The following OTOG variants were observed in gnomAD, a reference collection of about 807,000 sequenced individuals.
OTOG encodes otogelin.
Under a neutral mutation model 313.8 loss-of-function variants are expected in OTOG, and 296 were observed. That is an observed-to-expected ratio of 0.94 (90% CI 0.86 to 1.04). The LOEUF is 1.04. OTOG is among the 50% of genes least tolerant of loss of function. OTOG has a pLI of 0.00. For missense variants in OTOG, 3,948 were observed against 3,840.1 expected (o/e 1.03, Z -0.74); for synonymous variants, 1,533 against 1,554.9 (o/e 0.99, Z 0.33).
At chr11:17,634,003 G>T in intron 43 of OTOG, 66 bp from the exon 44 acceptor site, 2 of 1,501,698 alleles carry the variant, frequency 1.3e-6, no homozygotes, top group Admixed American at 2.0e-5. Flanking sequence ...ACCAGGGAGA[G>T]TCTAGCCTGG....
At chr11:17,556,652 T>C (rs908262376) in intron 7 of OTOG, among the ~76,000 whole-genome samples, 1 of 152,168 alleles carries the variant, frequency 6.6e-6, no homozygotes, top group African/African-American at 2.4e-5. Flanking sequence ...TTGTTTCCCT[T>C]TCCTGAAATT....
At position 17,596,904 on chromosome 11, in the gene OTOG, C is replaced by G. The variant is rs900255801; in HGVS notation, c.3579C>G (p.Ser1193Arg). Residue 1193 changes from serine to arginine, a missense_variant, in exon 30 of 56, where the codon AGC (serine) becomes AGG (arginine). Coordinates refer to ENST00000399397, the MANE Select transcript of OTOG (RefSeq NM_001292063.2). ...GCCTGACAGACACATGTGGCTGCAG[C>G]CAGGGTGGTGACTGTGAGTGCTTCT... ...SNCLTDTCGC[S>R]QGGDCECFCA... 1.3e-6 allele frequency: 2 copies of G among 1,550,906 alleles called. No individual in the cohort carries two copies. The highest frequency in any genetic ancestry group is 1.4e-5 in the African/African-American group (1 of 73,058).
rs1308115776 is a variant in OTOG, at chr11:17,593,212, T to C, written c.3026T>C (p.Phe1009Ser). 6.5e-7 allele frequency: 1 copy of C among 1,550,170 alleles called. No homozygotes were observed. The highest frequency in any genetic ancestry group is 8.7e-7 in the Non-Finnish European group (1 of 1,146,696). Residue 1009 changes from phenylalanine to serine, a missense_variant, in exon 26 of 56, where the codon TTC (phenylalanine) becomes TCC (serine). By Grantham distance (155) the Phe-to-Ser change is radical (BLOSUM62 -2). Coordinates refer to ENST00000399397, the MANE Select transcript of OTOG (RefSeq NM_001292063.2). The part of the protein sequence containing the change: ...HLVKSTSDVS[F>S]SVIVENVNCY... ...CCTCAGAGCACATCAGATGTCAGCT[T>C]CTCTGTGATTGTAGAGAATGTGAAC...
intron 23 of OTOG, among the ~76,000 whole-genome samples, chr11:17,585,354 CCT>C (rs1372682869): frequency 1.3e-5 from 2 of 152,142 alleles, no homozygotes; most frequent in Non-Finnish European, 2.9e-5. Context: ...AGCAATATCT[CCT>C]CTTTGTTCCA....
At chr11:17,547,853 C>T (rs1851843145) in intron 1 of OTOG, 74 bp from the exon 2 acceptor site, 1 of 442,238 alleles carries the variant, frequency 2.3e-6, no homozygotes, top group Non-Finnish European at 4.0e-6. Context: ...GGCTTTCTAG[C>T]AGTGGGGGCC....
chr11:17,548,418 CTTTTTTTTTTTTTTTTTT>C lies in OTOG; in HGVS notation c.216+227_216+244del, dbSNP rs56402246. ...ATCTCTTGGGGGTCTATAGTCCACT[CTTTTTTTTTTTTTTTTTT>C]TTTTTTTTTTTTTTTTTTTTAGGAG... On this transcript the variant is annotated intron_variant, in intron 3 of 55. Coordinates refer to ENST00000399397, the MANE Select transcript of OTOG (RefSeq NM_001292063.2). Among the ~76,000 whole-genome samples, 215 of 87,620 alleles carry C rather than the reference CTTTTTTTTTTTTTTTTTT, an allele frequency of 2.5e-3. 7 individuals carry two copies. Among genetic ancestry groups the C allele is most frequent in the Middle Eastern group, 6.8e-3 (1 of 146 alleles). The allele number at this position is 87,620 out of a possible 152,430, so 57.5% of individuals were successfully genotyped here.
At chr11:17,612,797 G>T in intron 38 of OTOG, 32 bp downstream of exon 38, 2 of 1,544,816 alleles carry the variant, frequency 1.3e-6, no homozygotes, top group South Asian at 1.2e-5. Flanking sequence ...CCCTGCTGGG[G>T]ACTAGGAATG....
intron 31 of OTOG, among the ~76,000 whole-genome samples, chr11:17,600,404 G>C (rs1237188788): frequency 6.6e-6 from 1 of 152,126 alleles, no homozygotes; most frequent in African/African-American, 2.4e-5. Context: ...AGTGCTGTTC[G>C]CCTTTGACTT....
chr11:17,597,128 T>A, intron 30 of OTOG, 121 bp downstream of exon 30: 1 of 1,264,466 alleles, frequency 7.9e-7, no homozygotes, highest in Non-Finnish European at 1.1e-6. Context: ...AAGCACCAAC[T>A]GCTTTGGGCG....
chr11:17,569,434 GCAAAAATGTGGACTC>G, intron 16 of OTOG, 146 bp downstream of exon 16: 1 of 1,154,908 alleles, frequency 8.7e-7, no homozygotes, highest in Non-Finnish European at 1.2e-6. Context: ...CACTTTGGTT[GCAAAAATGTGGACTC>G]CAAAAATGTG....
At position 17,635,057 on chromosome 11, in the gene OTOG, C is replaced by T; in HGVS notation, c.7586-23C>T. The stretch of plus-strand genomic sequence containing the variant: ...GGCCAGGCAGGTTCCTCTCCCAGCA[C>T]CTAAATTCAGCCTTTTCCCCAGAGT... On this transcript the variant is annotated intron_variant, in intron 45 of 55. Coordinates refer to ENST00000399397, the MANE Select transcript of OTOG (RefSeq NM_001292063.2). The T allele has an allele frequency of 1.4e-5, 22 of 1,542,824 alleles. 1 individual carries two copies. Among genetic ancestry groups the T allele is most frequent in the African/African-American group, 4.1e-5 (3 of 73,006 alleles).
At chr11:17,603,349 C>T (rs1056030379) in intron 32 of OTOG, among the ~76,000 whole-genome samples, 1 of 152,208 alleles carries the variant, frequency 6.6e-6, no homozygotes, top group African/African-American at 2.4e-5. Context: ...GGTGTCTCAC[C>T]ACCTTCCAGA....
At chr11:17,584,372 C>A (rs75210696) in intron 23 of OTOG, among the ~76,000 whole-genome samples, 5,531 of 152,270 alleles carry the variant, frequency 0.036, 116 homozygotes, top group South Asian at 0.075. Context: ...TCATTGCCTT[C>A]GTCTTGTTTT....
In OTOG at chr11:17,585,295, A is replaced by G. The variant is rs11826259; in HGVS notation, c.2760-1179A>G. On this transcript the variant is annotated intron_variant, in intron 23 of 55. Coordinates refer to ENST00000399397, the MANE Select transcript of OTOG (RefSeq NM_001292063.2). The stretch of plus-strand genomic sequence containing the variant: ...AAGTTGTCAAATTTATTCACTTAAC[A>G]TCGTACATCATATTTCCTTATTTTC... Among the ~76,000 whole-genome samples the G allele has an allele frequency of 3.7e-3, 557 of 152,342 alleles. 6 individuals are homozygous for G. Among genetic ancestry groups the G allele is most frequent in the African/African-American group, 0.013 (535 of 41,572 alleles).
In OTOG at chr11:17,610,733, C is replaced by CA; in HGVS notation, c.5435dup (p.Val1813GlyfsTer34). 3.9e-6 allele frequency: 6 copies of CA among 1,550,124 alleles called. No individual in the cohort carries two copies. Among genetic ancestry groups the CA allele is most frequent in the Non-Finnish European group, 5.2e-6 (6 of 1,147,000 alleles). On this transcript the variant is annotated frameshift_variant, in exon 36 of 56. Transcript: ENST00000399397. LOFTEE classifies it high-confidence loss of function. ...CTCCCGACACCAGCCTGCCCCTGGC[C>CA]AAGGTGGGCACATCTGCCCCAGTGG...
At chr11:17,626,148 C>G (rs1280241847) in intron 39 of OTOG, among the ~76,000 whole-genome samples, 1 of 152,008 alleles carries the variant, frequency 6.6e-6, no homozygotes. Context: ...CTATTCTGTT[C>G]CATTAGTCTA....
Position 17,635,811 on chromosome 11 carries a change from C to T in OTOG, c.7795+100C>T, listed in dbSNP as rs1474584712. ...GGGGTTGACAGGGAGCAACAGAGCGCCCCCAGGTGGTGAGCTCTGGAGGGG... is the reference window on the plus strand; with the variant it reads ...GGGGTTGACAGGGAGCAACAGAGCGTCCCCAGGTGGTGAGCTCTGGAGGGG... On this transcript the variant is annotated intron_variant, in intron 47 of 55. Coordinates refer to ENST00000399397, the MANE Select transcript of OTOG (RefSeq NM_001292063.2). 8.0e-6 allele frequency: 8 copies of T among 997,550 alleles called. No homozygotes were observed. The East Asian group carries it at 1.3e-4, about 16-fold the overall frequency. The allele number at this position is 997,550 out of a possible 1,614,324, so 61.8% of individuals were successfully genotyped here. A position where few individuals can be genotyped will look rare whatever the true frequency, so the allele number is the denominator to read the frequency against.
chr11:17,614,276 G>A (rs1853670845), intron 39 of OTOG, among the ~76,000 whole-genome samples: 1 of 152,106 alleles, frequency 6.6e-6, no homozygotes, highest in Admixed American at 6.5e-5. Flanking sequence ...CCTGAGCCTT[G>A]ATCTGCAGCC....
At chr11:17,547,602 G>A in intron 1 of OTOG, 136 bp downstream of exon 1, 1 of 1,267,846 alleles carries the variant, frequency 7.9e-7, no homozygotes, top group East Asian at 3.1e-5. Context: ...CACCCAGGAG[G>A]AGCAGTCAGG....
Sources: gnomAD v4.1 joint callset for allele counts (sites outside exome capture counted in the v4.1 genomes callset) on GRCh38, gnomAD v4.1.1 for gene constraint, MANE v1.5 for transcripts, NCBI Gene and HGNC (gene_info 2026-07-23, HGNC 2026-07-21) for gene names.